RRBP1: variants seen among roughly 807,000 people sequenced by gnomAD.
The protein encoded by RRBP1 is ribosome-binding protein 1.
In RRBP1, 94 loss-of-function variants were observed where a neutral mutation model predicts 165.2. The observed-to-expected ratio is 0.57, with a 90% confidence interval of 0.48 to 0.68. The LOEUF (loss-of-function observed/expected upper bound fraction) is 0.68, where lower values mean the gene tolerates loss of function less well. RRBP1 is among the 30% of genes least tolerant of loss of function. The pLI is 0.00. For synonymous variants in RRBP1, 680 were observed against 714.5 expected (o/e 0.95, Z 0.77); for missense variants, 1,676 against 1,763.0 (o/e 0.95, Z 0.88).
rs755355541 is a variant in RRBP1, at chr20:17,621,964, G to T, written c.3148-17C>A. ...CGATTCCTCCTGGGGGGTGGGTGGG[G>T]AAGAGCGGAAGGTGTTCAGCTGTGG... On this transcript the variant is annotated splice_polypyrimidine_tract_variant and intron_variant, in intron 13 of 24. Transcript: ENST00000377813. The T allele has an allele frequency of 1.3e-6, 2 of 1,586,324 alleles. No homozygotes were observed. Among genetic ancestry groups the T allele is most frequent in the South Asian group, 1.1e-5 (1 of 90,542 alleles).
chr20:17,669,281 AAC>A (rs2036929732), intron 2 of RRBP1, among the ~76,000 whole-genome samples: 1 of 152,216 alleles, frequency 6.6e-6, no homozygotes, highest in Admixed American at 6.5e-5. Context: ...CTTTCCAAAT[AAC>A]AGTCTTTGGA....
At chr20:17,647,741 ACT>A (rs1267989147) in intron 3 of RRBP1, among the ~76,000 whole-genome samples, 1 of 151,710 alleles carries the variant, frequency 6.6e-6, no homozygotes, top group Non-Finnish European at 1.5e-5. Context: ...AGTGGCAAAA[ACT>A]CTCATTTCCT....
At chr20:17,654,347 A>C (rs1395125233) in intron 3 of RRBP1, among the ~76,000 whole-genome samples, 1 of 152,210 alleles carries the variant, frequency 6.6e-6, no homozygotes, top group Non-Finnish European at 1.5e-5. Context: ...CTGCTCCCCC[A>C]GTGAGAAGAT....
intron 3 of RRBP1, among the ~76,000 whole-genome samples, chr20:17,656,539 G>A (rs912438348): frequency 1.3e-5 from 2 of 152,096 alleles, no homozygotes; most frequent in Admixed American, 6.5e-5. Context: ...TCTGCTGAAC[G>A]TTTCCTTCCC....
intron 1 of RRBP1, among the ~76,000 whole-genome samples, chr20:17,681,718 G>A (rs1190596412): frequency 1.3e-5 from 2 of 150,454 alleles, no homozygotes; most frequent in East Asian, 3.9e-4. Context: ...CCGGGAGGGA[G>A]GGAGGCAGGG....
chr20:17,662,106 CA>C (rs1329434181), intron 2 of RRBP1, among the ~76,000 whole-genome samples: 1 of 151,992 alleles, frequency 6.6e-6, no homozygotes, highest in Admixed American at 6.5e-5. Flanking sequence ...ACTAAAAATA[CA>C]AAAAACTTAG....
At chr20:17,676,551 C>G (rs2037086300) in intron 2 of RRBP1, among the ~76,000 whole-genome samples, 1 of 152,182 alleles carries the variant, frequency 6.6e-6, no homozygotes, top group Non-Finnish European at 1.5e-5. Context: ...CTAGTCCGGT[C>G]ACACCGGACA....
At chr20:17,615,629 G>A (rs1015252615) in intron 22 of RRBP1, 100 bp from the exon 23 acceptor site, 5 of 843,882 alleles carry the variant, frequency 5.9e-6, no homozygotes, top group Non-Finnish European at 8.9e-6. Context: ...GGCCCCCCCA[G>A]CCTGATGGAG....
chr20:17,641,902 G>A lies in RRBP1; in HGVS notation c.2079C>T (p.Asp693=), dbSNP rs151149317. ...GCTGGCGTTTCAGAATCGCCACAGG[G>A]TCACCCTTCTGAGTGGCCTAGAAAT... is the stretch of plus-strand genomic sequence containing the variant. ...DTWHKATQKG[D]PVAILKRQLE... is the part of the protein sequence containing the mutation. The change falls in exon 5 of 25, where the codon GAC becomes GAT. Residue 693 remains aspartate (D), a synonymous_variant. Coordinates refer to ENST00000377813, the MANE Select transcript of RRBP1 (RefSeq NM_001365613.2). The A allele has an allele frequency of 1.4e-5, 22 of 1,613,834 alleles. No homozygotes were observed. The highest frequency in any genetic ancestry group is 3.3e-4 in the Middle Eastern group (2 of 6,058).
chr20:17,681,356 G>A (rs1004082807), intron 1 of RRBP1, among the ~76,000 whole-genome samples: 2 of 147,930 alleles, frequency 1.4e-5, no homozygotes, highest in Non-Finnish European at 3.0e-5. Context: ...CACCGCGGCC[G>A]CCCGGCGTCC....
At chr20:17,653,805 G>A (rs535799456) in intron 3 of RRBP1, among the ~76,000 whole-genome samples, 75 of 147,188 alleles carry the variant, frequency 5.1e-4, no homozygotes, top group African/African-American at 1.9e-3. Context: ...TTACATGCCA[G>A]CCTGGGTGAC....
intron 3 of RRBP1, among the ~76,000 whole-genome samples, chr20:17,655,933 G>A (rs1413259802): frequency 6.6e-6 from 1 of 152,182 alleles, no homozygotes; most frequent in Non-Finnish European, 1.5e-5. Context: ...CAGCTCCCAG[G>A]AACTGCTTAG....
intron 11 of RRBP1, among the ~76,000 whole-genome samples, chr20:17,625,862 G>A (rs2036008713): frequency 6.6e-6 from 1 of 152,118 alleles, no homozygotes; most frequent in Non-Finnish European, 1.5e-5. Context: ...ACACCGGAGA[G>A]CTGGGTTTCC....
rs752922096 is a variant in RRBP1, at chr20:17,614,836, G to A, written c.4095C>T (p.Arg1365=). 54 of 1,613,738 alleles carry A rather than the reference G, an allele frequency of 3.3e-5. No homozygotes were observed. In the South Asian group the frequency reaches 3.7e-4, roughly 11 times the overall value. ...KEKKLTSDLG[R]AATRLQELLK... ...GAAGCTCCTGCAGTCTCGTGGCGGC[G>A]CGCCCCAGGTCACTTGTTAACTTCT... The change falls in exon 24 of 25, where the codon CGC becomes CGT. Residue 1365 remains arginine, a synonymous_variant. Transcript: ENST00000377813.
At chr20:17,628,937 A>G (rs976772212) in intron 9 of RRBP1, among the ~76,000 whole-genome samples, 1 of 151,548 alleles carries the variant, frequency 6.6e-6, no homozygotes, top group African/African-American at 2.4e-5. Context: ...GCAGAGCTGA[A>G]CAGTTGTGAC....
In RRBP1 at chr20:17,614,734, C is replaced by G. The variant is rs764124517; in HGVS notation, c.4194+3G>C. 5.6e-6 allele frequency: 9 copies of G among 1,611,482 alleles called. No individual in the cohort carries two copies. Among genetic ancestry groups the G allele is most frequent in the Non-Finnish European group, 6.8e-6 (8 of 1,179,988 alleles). ...CCGCCCTGCTTTGGCGCCAGGCACG[C>G]ACTGCCTTTTCCAGCTGTTCCTGCA... is the stretch of plus-strand genomic sequence containing the variant. On this transcript the variant is annotated splice_donor_region_variant and intron_variant, in intron 24 of 24. Coordinates refer to ENST00000377813, the MANE Select transcript of RRBP1 (RefSeq NM_001365613.2).
intron 2 of RRBP1, among the ~76,000 whole-genome samples, chr20:17,670,769 C>T (rs2036962343): frequency 6.6e-6 from 1 of 152,180 alleles, no homozygotes; most frequent in Non-Finnish European, 1.5e-5. Flanking sequence ...AATCTTTTCA[C>T]TCTCACTGTT....
chr20:17,624,463 G>T, intron 13 of RRBP1, 113 bp downstream of exon 13: 1 of 719,826 alleles, frequency 1.4e-6, no homozygotes. Flanking sequence ...CTGTCCTAGT[G>T]CATCTGTGCG....
At chr20:17,648,362 T>A (rs1207735212) in intron 3 of RRBP1, among the ~76,000 whole-genome samples, 1 of 152,220 alleles carries the variant, frequency 6.6e-6, no homozygotes, top group Non-Finnish European at 1.5e-5. Context: ...TCATTGCTCA[T>A]CTGCCCACAG....
Sources: gnomAD v4.1 joint callset for allele counts (sites outside exome capture counted in the v4.1 genomes callset) on GRCh38, gnomAD v4.1.1 for gene constraint, MANE v1.5 for transcripts, NCBI Gene and HGNC (gene_info 2026-07-23, HGNC 2026-07-21) for gene names.